Variants in TMEM165 observed in about 807,000 individuals in gnomAD.
TMEM165 encodes the protein putative divalent cation/proton antiporter TMEM165.
In TMEM165, 19 loss-of-function variants were observed where a neutral mutation model predicts 30.0. That is an observed-to-expected ratio of 0.63 (90% CI 0.44 to 0.93). The LOEUF (loss-of-function observed/expected upper bound fraction) is 0.93. Among genes scored for constraint, TMEM165 ranks in the 40% least tolerant of loss-of-function variants. The pLI is 0.00. For synonymous variants in TMEM165, 168 were observed against 162.9 expected, an observed-to-expected ratio of 1.03 and a Z score of -0.24; for missense variants, 340 against 417.0, an observed-to-expected ratio of 0.82 and a Z score of 1.61.
At chr4:55,450,422 A>T (rs1300179846) in intron 3 of TMEM165, among the ~76,000 whole-genome samples, 1 of 152,228 alleles carries the variant, frequency 6.6e-6, no homozygotes, top group Non-Finnish European at 1.5e-5. Context: ...TTCATTTTCT[A>T]TTTAAAGAAA....
chr4:55,409,904 T>A (rs565222676), intron 1 of TMEM165, among the ~76,000 whole-genome samples: 6 of 152,362 alleles, frequency 3.9e-5, no homozygotes, highest in Non-Finnish European at 8.8e-5. Flanking sequence ...TAGGACCGTA[T>A]GGATTGGATA....
downstream of TMEM165, among the ~76,000 whole-genome samples, chr4:55,427,748 T>C (rs931466828): frequency 3.9e-5 from 6 of 152,236 alleles, no homozygotes; most frequent in African/African-American, 1.4e-4. Context: ...ACTAGCTTCA[T>C]ATGCGAATAA....
intron 3 of TMEM165, chr4:55,435,654 G>C: frequency 6.5e-7 from 1 of 1,538,120 alleles, no homozygotes; most frequent in Non-Finnish European, 9.0e-7. Flanking sequence ...CCACATAATA[G>C]TTACTCACAC....
In TMEM165 at chr4:55,447,240, GC is replaced by G. The variant is rs1723934996; in HGVS notation, c.409-4997del. Among the ~76,000 whole-genome samples the G allele has an allele frequency of 2.0e-5, 3 of 152,042 alleles. No homozygotes were observed. In the South Asian group the frequency reaches 6.2e-4, roughly 32 times the overall value. On this transcript the variant is annotated intron_variant, in intron 3 of 3. Transcript: ENST00000608091. ...AAACTAGCCGGGTGTGGTGGCATGT[GC>G]CTGTAGTCCCAGCTACTCGGGAGAC... is the stretch of plus-strand genomic sequence containing the variant.
Position 55,420,106 on chromosome 4 carries a change from A to AAT in TMEM165, c.792+2135_792+2136dup, listed in dbSNP as rs1553886880. Among the ~76,000 whole-genome samples the AAT allele has an allele frequency of 1.1e-3, 50 of 45,456 alleles. 4 individuals carry two copies. Among genetic ancestry groups the AAT allele is most frequent in the African/African-American group, 3.4e-3 (41 of 12,150 alleles). The allele number at this position is 45,456 out of a possible 152,430, so 29.8% of individuals were successfully genotyped here. ...GTGAGACACTATCTTAAGAAAAAAA[A>AAT]ATATATATATATATACATATATATT... is the stretch of plus-strand genomic sequence containing the variant. On this transcript the variant is annotated intron_variant, in intron 4 of 5. Transcript: ENST00000381334.
chr4:55,447,493 A>G (rs902016800), intron 3 of TMEM165, among the ~76,000 whole-genome samples: 1 of 152,276 alleles, frequency 6.6e-6, no homozygotes, highest in African/African-American at 2.4e-5. Context: ...TCAAGTACAA[A>G]AGAAAATAGT....
At chr4:55,432,474 CTTTTTT>C (rs34676667) in intron 3 of TMEM165, 2 of 134,830 alleles carry the variant, frequency 1.5e-5, no homozygotes, top group African/African-American at 5.6e-5. Context: ...AGAGGGAAGA[CTTTTTT>C]TTTTTTTTTT....
chr4:55,438,390 C>T (rs1239166112), intron 3 of TMEM165: 2 of 1,613,934 alleles, frequency 1.2e-6, no homozygotes, highest in South Asian at 2.2e-5. Context: ...GCGTTACTGA[C>T]AATGTCTGTG....
chr4:55,433,772 T>C (rs1722673999), intron 3 of TMEM165: 2 of 152,212 alleles, frequency 1.3e-5, no homozygotes, highest in African/African-American at 4.8e-5. Flanking sequence ...TTGGAATTTA[T>C]TACTTTTAGA....
chr4:55,435,732 T>A, intron 3 of TMEM165: 1 of 881,424 alleles, frequency 1.1e-6, no homozygotes, highest in South Asian at 1.4e-5. Flanking sequence ...ACTCTCTGGT[T>A]TAAAAATTCT....
intron 3 of TMEM165, among the ~76,000 whole-genome samples, chr4:55,447,997 C>G (rs1478666616): frequency 6.6e-6 from 1 of 151,850 alleles, no homozygotes; most frequent in Non-Finnish European, 1.5e-5. Context: ...ATTACTCCCC[C>G]TTTTTTTTGG....
downstream of TMEM165, among the ~76,000 whole-genome samples, chr4:55,427,007 T>TAA (rs1722233761): frequency 6.6e-6 from 1 of 151,354 alleles, no homozygotes; most frequent in Admixed American, 6.6e-5. Flanking sequence ...TTGTTTGTTA[T>TAA]AAAGAAAGAG....
At chr4:55,438,563 T>G (rs746140035) in intron 3 of TMEM165, 2 of 1,612,268 alleles carry the variant, frequency 1.2e-6, no homozygotes, top group South Asian at 2.2e-5. Context: ...AGGAAAAAAA[T>G]TGGAGTCCAA....
At chr4:55,411,134 CAAAA>C (rs575523700) in intron 1 of TMEM165, among the ~76,000 whole-genome samples, 6 of 65,900 alleles carry the variant, frequency 9.1e-5, no homozygotes, top group South Asian at 5.2e-4. Flanking sequence ...GATTTTGTCT[CAAAA>C]AAAAAAAAAA....
intron 1 of TMEM165, among the ~76,000 whole-genome samples, chr4:55,408,784 A>G (rs1384257361): frequency 6.6e-6 from 1 of 152,212 alleles, no homozygotes; most frequent in Non-Finnish European, 1.5e-5. Context: ...GTTTGAGCTT[A>G]GAGCTAAGTG....
exon 4 of TMEM165, chr4:55,452,923 G>C: frequency 2.9e-6 from 2 of 685,410 alleles, no homozygotes; most frequent in Non-Finnish European, 4.9e-6. Context: ...AAGTAGTAAA[G>C]TATAATCACA....
At chr4:55,439,022 A>G (rs1319579671) in intron 3 of TMEM165, among the ~76,000 whole-genome samples, 1 of 152,234 alleles carries the variant, frequency 6.6e-6, no homozygotes, top group Admixed American at 6.5e-5. Flanking sequence ...ACTGTATCAA[A>G]TTAAAAATCT....
intron 1 of TMEM165, among the ~76,000 whole-genome samples, chr4:55,399,672 A>G (rs1483505765): frequency 2.0e-5 from 3 of 152,176 alleles, no homozygotes; most frequent in African/African-American, 7.2e-5. Context: ...AGTGGTAGAA[A>G]CAGTGTCCAG....
chr4:55,401,182 A>G (rs1026111999), intron 1 of TMEM165, among the ~76,000 whole-genome samples: 3 of 150,098 alleles, frequency 2.0e-5, no homozygotes, highest in African/African-American at 7.5e-5. Flanking sequence ...GGCATTCTAC[A>G]TTGAGTATGT....
Sources: gnomAD v4.1 joint callset for allele counts (sites outside exome capture counted in the v4.1 genomes callset) on GRCh38, gnomAD v4.1.1 for gene constraint, MANE v1.5 for transcripts, NCBI Gene and HGNC (gene_info 2026-07-23, HGNC 2026-07-21) for gene names.